Variants in SLC6A17 observed in about 807,000 individuals in gnomAD.
SLC6A17 encodes the protein sodium-dependent neutral amino acid transporter SLC6A17.
Under a neutral mutation model 64.5 loss-of-function variants are expected in SLC6A17, and 21 were observed. That is an observed-to-expected ratio of 0.33 (90% confidence interval 0.23 to 0.47). The LOEUF is 0.47. Among genes scored for constraint, SLC6A17 ranks in the 20% least tolerant of loss-of-function variants. The pLI, the probability that SLC6A17 is intolerant of heterozygous loss-of-function variation, is 1.00. For synonymous variants in SLC6A17, 372 were observed against 399.5 expected (o/e 0.93, Z 0.82); for missense variants, 682 against 963.2 (o/e 0.71, Z 3.86).
chr1:110,178,855 G>A (rs1045982692), intron 6 of SLC6A17: 2 of 152,164 alleles, frequency 1.3e-5, no homozygotes, highest in African/African-American at 4.8e-5. Flanking sequence ...CTGAGTATTA[G>A]GTTCTGTCAT....
At chr1:110,173,701 A>C (rs2101847693) in intron 3 of SLC6A17, among the ~76,000 whole-genome samples, 1 of 152,380 alleles carries the variant, frequency 6.6e-6, no homozygotes, top group South Asian at 2.1e-4. Context: ...TTCAAACTGG[A>C]AAGGATTAAC....
intron 5 of SLC6A17, 143 bp downstream of exon 5, chr1:110,175,103 C>G: frequency 9.1e-7 from 1 of 1,103,954 alleles, no homozygotes; most frequent in Non-Finnish European, 1.3e-6. Flanking sequence ...GTGGAAGTAT[C>G]ATTCCTATAG....
chr1:110,169,937 A>C lies in SLC6A17; in HGVS notation c.287-2123A>C, dbSNP rs76406409. Among the ~76,000 whole-genome samples the C allele has an allele frequency of 6.5e-3, 987 of 152,302 alleles. 17 individuals carry two copies. Among genetic ancestry groups the C allele is most frequent in the African/African-American group, 0.022 (909 of 41,564 alleles). On this transcript the variant is annotated intron_variant, in intron 2 of 11. Coordinates refer to ENST00000331565, the MANE Select transcript of SLC6A17 (RefSeq NM_001010898.4). ...TGGTTAGTTTAGGCCTTGGTGTGGT[A>C]GAGAGACCTGCAGTCACTTCAGGGC...
chr1:110,162,316 G>C (rs1405143867), intron 1 of SLC6A17, among the ~76,000 whole-genome samples: 2 of 152,248 alleles, frequency 1.3e-5, no homozygotes, highest in East Asian at 3.9e-4. Flanking sequence ...CATTGTTACA[G>C]GTGCCTGGGG....
chr1:110,172,229 G>A lies in SLC6A17; in HGVS notation c.444+12G>A. The A allele has an allele frequency of 1.3e-6, 2 of 1,568,056 alleles. No homozygotes were observed. Among genetic ancestry groups the A allele is most frequent in the Non-Finnish European group, 1.7e-6 (2 of 1,159,002 alleles). On this transcript the variant is annotated intron_variant, in intron 3 of 11. Coordinates refer to ENST00000331565, the MANE Select transcript of SLC6A17 (RefSeq NM_001010898.4). The stretch of plus-strand genomic sequence containing the variant: ...TCTCCAGCTGCATAGTGAGTCAAGG[G>A]CTGGGGCAGGCACTGAGTGGGAGGC...
intron 1 of SLC6A17, among the ~76,000 whole-genome samples, chr1:110,151,087 C>T (rs1052747538): frequency 1.3e-5 from 2 of 152,256 alleles, no homozygotes; most frequent in African/African-American, 4.8e-5. Flanking sequence ...GGGGCCCGCT[C>T]TCCTTCGCGC....
At chr1:110,175,189 G>A (rs1159954622) in intron 5 of SLC6A17, among the ~76,000 whole-genome samples, 1 of 152,196 alleles carries the variant, frequency 6.6e-6, no homozygotes, top group African/African-American at 2.4e-5. Context: ...CTGCTTCCAT[G>A]CTCAGATAAC....
chr1:110,197,642 T>C, intron 11 of SLC6A17, 43 bp downstream of exon 11: 1 of 1,543,050 alleles, frequency 6.5e-7, no homozygotes, highest in Non-Finnish European at 8.7e-7. Context: ...TTGCATCTTC[T>C]CAGGCCTTGA....
intron 1 of SLC6A17, 54 bp downstream of exon 1, chr1:110,150,937 T>G (rs986328600): frequency 1.3e-5 from 2 of 152,120 alleles, no homozygotes; most frequent in African/African-American, 4.8e-5. Flanking sequence ...ACTGCAACTT[T>G]CCCTGTTCTG....
chr1:110,167,512 A>G (rs536845526), intron 2 of SLC6A17, among the ~76,000 whole-genome samples: 1 of 152,296 alleles, frequency 6.6e-6, no homozygotes, highest in African/African-American at 2.4e-5. Flanking sequence ...TCATCTGCAA[A>G]ATGAAAATAA....
chr1:110,152,933 C>T (rs567638194), intron 1 of SLC6A17, among the ~76,000 whole-genome samples: 15 of 152,274 alleles, frequency 9.9e-5, no homozygotes, highest in African/African-American at 2.6e-4. Context: ...CATGAAGGTT[C>T]GGTGCTTCCC....
At chr1:110,183,502 GT>G (rs1364014962) in intron 6 of SLC6A17, among the ~76,000 whole-genome samples, 4 of 152,318 alleles carry the variant, frequency 2.6e-5, no homozygotes, top group African/African-American at 9.6e-5. Flanking sequence ...GACTCTATGT[GT>G]TTGGGTTTTC....
intron 6 of SLC6A17, among the ~76,000 whole-genome samples, chr1:110,182,397 A>T (rs530309520): frequency 6.6e-6 from 1 of 152,238 alleles, no homozygotes; most frequent in South Asian, 2.1e-4. Flanking sequence ...CCACATGGAG[A>T]TGCTGAGGAG....
In SLC6A17 at chr1:110,198,147, G is replaced by A. The variant is rs139019064; in HGVS notation, c.1887G>A (p.Thr629=). 77 of 1,613,972 alleles carry A rather than the reference G, an allele frequency of 4.8e-5. No homozygotes were observed. The East Asian group carries it at 7.1e-4, about 15-fold the overall frequency. ...ALLITLIVVA[T]LPIPVVFVLR... ...TGATCACCCTCATCGTCGTGGCGAC[G>A]CTGCCCATCCCTGTGGTGTTCGTCC... Residue 629 remains threonine, a synonymous_variant, in exon 12 of 12, where the codon ACG becomes ACA. Transcript: ENST00000331565.
chr1:110,193,237 G>T (rs1316755705), intron 8 of SLC6A17, among the ~76,000 whole-genome samples: 1 of 152,076 alleles, frequency 6.6e-6, no homozygotes, highest in Non-Finnish European at 1.5e-5. Flanking sequence ...CAGTTAGTTG[G>T]GTCCAGAGCC....
chr1:110,172,371 TC>T, intron 3 of SLC6A17, 154 bp downstream of exon 3: 1 of 955,732 alleles, frequency 1.0e-6, no homozygotes, highest in Non-Finnish European at 1.5e-6. Flanking sequence ...CAGCTGGGGT[TC>T]CAGGACCCCA....
intron 1 of SLC6A17, among the ~76,000 whole-genome samples, chr1:110,160,400 A>C (rs529077047): frequency 6.6e-6 from 1 of 152,352 alleles, no homozygotes; most frequent in East Asian, 1.9e-4. Context: ...GGACCCTAGA[A>C]CACCTGTAAA....
intron 6 of SLC6A17, 149 bp downstream of exon 6, chr1:110,176,888 G>T: frequency 1.1e-5 from 8 of 699,352 alleles, no homozygotes; most frequent in Non-Finnish European, 1.9e-5. Flanking sequence ...GCACAGGGAA[G>T]GGGGCATGGG....
Position 110,199,409 on chromosome 1 carries a change from C to T in SLC6A17, c.*965C>T, listed in dbSNP as rs1657058543. 6.6e-6 allele frequency: 1 copy of T among 152,424 alleles called. No homozygotes were observed. 9.4% of individuals were successfully genotyped at this position (152,424 alleles called of 1,614,324 possible). ...TGAAGCACACTCCCCTCCCTCCTCACCTGGGGTCCAATGTTCTGTCTAGTG... is the reference window on the plus strand; with the variant it reads ...TGAAGCACACTCCCCTCCCTCCTCATCTGGGGTCCAATGTTCTGTCTAGTG... On this transcript the variant is annotated 3_prime_UTR_variant, in exon 12 of 12. Transcript: ENST00000331565.
Sources: allele counts gnomAD v4.1 joint callset (sites outside exome capture counted in the v4.1 genomes callset), GRCh38; gene constraint gnomAD v4.1.1; transcripts MANE v1.5; gene names NCBI Gene and HGNC (gene_info 2026-07-23, HGNC 2026-07-21).